The following RAPGEF1 variants were observed in gnomAD, a reference collection of about 807,000 sequenced individuals.
RAPGEF1 encodes Rap guanine nucleotide exchange factor 1.
Under a neutral mutation model 143.3 loss-of-function variants are expected in RAPGEF1, and 33 were observed. The ratio of observed to expected loss-of-function variants is 0.23; its 90% CI spans 0.17 to 0.31. RAPGEF1 has a LOEUF of 0.31. RAPGEF1 is among the 10% of genes least tolerant of loss of function. The probability of loss-of-function intolerance (pLI) is 1.00; values close to 1 mark genes in which losing one functional copy is unlikely to be tolerated. For missense variants in RAPGEF1, 1,199 were observed against 1,645.4 expected (o/e 0.73, Z 4.69); for synonymous variants, 629 against 676.5 (o/e 0.93, Z 1.09).
At chr9:131,718,188 G>C (rs1835992638) in intron 1 of RAPGEF1, among the ~76,000 whole-genome samples, 1 of 152,186 alleles carries the variant, frequency 6.6e-6, no homozygotes, top group South Asian at 2.1e-4. Context: ...TAAGAGAACG[G>C]CAAGTGCAAA....
intron 5 of RAPGEF1, among the ~76,000 whole-genome samples, chr9:131,638,237 T>A (rs1376522146): frequency 6.6e-6 from 1 of 152,230 alleles, no homozygotes; most frequent in Non-Finnish European, 1.5e-5. Flanking sequence ...CTCATCTCAC[T>A]CCTGCTTTTC....
At chr9:131,682,639 T>G (rs1279649470) in intron 1 of RAPGEF1, among the ~76,000 whole-genome samples, 1 of 151,990 alleles carries the variant, frequency 6.6e-6, no homozygotes, top group Non-Finnish European at 1.5e-5. Context: ...GCCAGGAGAG[T>G]GCATAGCACA....
At chr9:131,686,749 T>C (rs960120423) in intron 1 of RAPGEF1, among the ~76,000 whole-genome samples, 14 of 152,236 alleles carry the variant, frequency 9.2e-5, no homozygotes, top group Admixed American at 5.9e-4. Flanking sequence ...GCAAAGCCTC[T>C]ATATTGCTCA....
intron 11 of RAPGEF1, among the ~76,000 whole-genome samples, chr9:131,620,464 G>A (rs189985317): frequency 1.2e-3 from 183 of 152,268 alleles, no homozygotes; most frequent in Non-Finnish European, 2.3e-3. Context: ...AGGCATTTAT[G>A]TTTCCATGGT....
At chr9:131,602,497 C>G (rs1400609424) in intron 14 of RAPGEF1, among the ~76,000 whole-genome samples, 1 of 152,208 alleles carries the variant, frequency 6.6e-6, no homozygotes, top group East Asian at 1.9e-4. Flanking sequence ...CCTCATTTGA[C>G]TTCGTCAGTG....
chr9:131,613,203 G>C (rs1305817410), intron 12 of RAPGEF1, among the ~76,000 whole-genome samples: 1 of 152,226 alleles, frequency 6.6e-6, no homozygotes, highest in Non-Finnish European at 1.5e-5. Context: ...CAGGGCACTG[G>C]GGCAGGGCGG....
At chr9:131,689,762 T>G (rs1009452083) in intron 1 of RAPGEF1, among the ~76,000 whole-genome samples, 2 of 152,212 alleles carry the variant, frequency 1.3e-5, no homozygotes, top group Non-Finnish European at 2.9e-5. Context: ...GGTCTCCAAC[T>G]CCTGAGCTCA....
At chr9:131,648,459 GC>G (rs1970261041) in intron 3 of RAPGEF1, among the ~76,000 whole-genome samples, 1 of 152,140 alleles carries the variant, frequency 6.6e-6, no homozygotes, top group African/African-American at 2.4e-5. Context: ...GAATTGAGTG[GC>G]CGAACAGTTT....
intron 14 of RAPGEF1, 89 bp downstream of exon 14, chr9:131,603,872 A>C: frequency 1.3e-6 from 1 of 747,512 alleles, no homozygotes; most frequent in Non-Finnish European, 1.9e-6. Flanking sequence ...GCCCAACAGA[A>C]GCAGGTGCGG....
chr9:131,739,612 G>A (rs973837153), intron 1 of RAPGEF1, among the ~76,000 whole-genome samples, 158 bp downstream of exon 1: 2 of 149,586 alleles, frequency 1.3e-5, no homozygotes, highest in African/African-American at 2.4e-5. Context: ...GGGCCTGGAG[G>A]AGAAGCTGCC....
rs969585133 is a variant in RAPGEF1, at chr9:131,583,094, G to T, written c.3415-392C>A. On this transcript the variant is annotated intron_variant, in intron 24 of 26. Transcript: ENST00000683357. This position sits in a 1 kb window ranked among gnomAD's most constrained non-coding sequence, Gnocchi z 4.7. ...CACTGAGTGGCGTCACTCCTGACTC[G>T]GAGCTGCCTTTGCTCTGCCCTGTAC... is the stretch of plus-strand genomic sequence containing the variant. Among the ~76,000 whole-genome samples, 4 of 152,182 alleles carry T rather than the reference G, an allele frequency of 2.6e-5. No homozygotes were observed. Among genetic ancestry groups the T allele is most frequent in the African/African-American group, 9.7e-5 (4 of 41,432 alleles).
intron 15 of RAPGEF1, among the ~76,000 whole-genome samples, chr9:131,601,127 G>A (rs1023768425): frequency 2.1e-5 from 3 of 143,950 alleles, no homozygotes; most frequent in African/African-American, 5.2e-5. Flanking sequence ...AGCCGAGATC[G>A]CGCCACTGCA....
intron 1 of RAPGEF1, among the ~76,000 whole-genome samples, chr9:131,690,318 A>T (rs1448470060): frequency 1.3e-5 from 2 of 152,376 alleles, no homozygotes; most frequent in Non-Finnish European, 1.5e-5. Flanking sequence ...CGGTTCTTCC[A>T]AAACGAGAAA....
rs564005903 is a variant in RAPGEF1 at position 131,594,112 on chromosome 9, CA to C, written c.2690-1930del. Among the ~76,000 whole-genome samples the C allele has an allele frequency of 9.9e-5, 15 of 152,260 alleles. No homozygotes were observed. The South Asian group carries it at 2.9e-3, about 29-fold the overall frequency. On this transcript the variant is annotated intron_variant, in intron 17 of 26. Transcript: ENST00000683357. ...GGCGGGGTCGGCGCCCATGTCTGCC[CA>C]ATTCCAGAGCCCTCCCCCATCTGCT...
At chr9:131,589,273 C>T (rs1462747551) in intron 19 of RAPGEF1, among the ~76,000 whole-genome samples, 3 of 152,230 alleles carry the variant, frequency 2.0e-5, no homozygotes, top group East Asian at 1.9e-4. Flanking sequence ...AAGTCCTACA[C>T]GAATCCCGCC....
intron 5 of RAPGEF1, among the ~76,000 whole-genome samples, chr9:131,630,776 G>A (rs1964626010): frequency 6.6e-6 from 1 of 152,180 alleles, no homozygotes; most frequent in African/African-American, 2.4e-5. Context: ...CTAGCTGGTG[G>A]GGGTGGGGTG....
At chr9:131,679,749 A>G (rs1469636103) in intron 1 of RAPGEF1, among the ~76,000 whole-genome samples, 1 of 152,224 alleles carries the variant, frequency 6.6e-6, no homozygotes, top group Non-Finnish European at 1.5e-5. Context: ...GGGTGTGGGC[A>G]AAAGAACTGA....
At chr9:131,612,357 G>A (rs749822780) in intron 12 of RAPGEF1, among the ~76,000 whole-genome samples, 5 of 152,194 alleles carry the variant, frequency 3.3e-5, no homozygotes, top group African/African-American at 7.2e-5. Flanking sequence ...AAGGGGCACC[G>A]ATCAGCCAAA....
At chr9:131,666,733 C>T (rs1207537202) in intron 1 of RAPGEF1, among the ~76,000 whole-genome samples, 3 of 152,194 alleles carry the variant, frequency 2.0e-5, no homozygotes, top group Non-Finnish European at 4.4e-5. Context: ...ATTATTACAA[C>T]ATGTAATATA....
Sources: gnomAD v4.1 joint callset for allele counts (sites outside exome capture counted in the v4.1 genomes callset) on GRCh38, gnomAD v4.1.1 for gene constraint, Gnocchi (gnomAD v3.1) non-coding constraint, MANE v1.5 for transcripts, NCBI Gene and HGNC (gene_info 2026-07-23, HGNC 2026-07-21) for gene names.